UGGT1: variants seen among roughly 807,000 people sequenced by gnomAD.
The protein encoded by UGGT1 is UDP-glucose:glycoprotein glucosyltransferase 1.
A neutral mutation model predicts 203.9 loss-of-function variants in UGGT1; 107 were observed. The ratio of observed to expected loss-of-function variants is 0.52; its 90% CI spans 0.45 to 0.62. UGGT1 has a LOEUF of 0.62. Ranked by LOEUF, UGGT1 falls within the 20% of genes least tolerant of loss-of-function variation. The pLI is 0.00. For synonymous variants in UGGT1, 628 were observed against 653.5 expected (o/e 0.96, Z 0.59); for missense variants, 1,673 against 1,867.2 (o/e 0.90, Z 1.92).
chr2:128,103,030 G>A (rs780359193), intron 2 of UGGT1: 2 of 470,074 alleles, frequency 4.3e-6, no homozygotes, highest in Admixed American at 2.4e-5. Flanking sequence ...TAGAGAAGCT[G>A]TGCATTACCA....
At chr2:128,159,741 T>C (rs768127440) in intron 23 of UGGT1, 21 bp downstream of exon 23, 2 of 1,608,736 alleles carry the variant, frequency 1.2e-6, no homozygotes, top group African/African-American at 2.7e-5. Flanking sequence ...GAGCCTCTCA[T>C]GAGGCTGCCC....
chr2:128,140,973 C>A (rs931923452), intron 16 of UGGT1, among the ~76,000 whole-genome samples: 6 of 151,794 alleles, frequency 4.0e-5, no homozygotes, highest in Non-Finnish European at 7.4e-5. Flanking sequence ...TACGTGTGAG[C>A]CACTGGGGCT....
At chr2:128,187,973 C>G (rs947370641) in intron 40 of UGGT1, among the ~76,000 whole-genome samples, 1 of 147,070 alleles carries the variant, frequency 6.8e-6, no homozygotes, top group African/African-American at 2.5e-5. Flanking sequence ...TGTCAGTGTA[C>G]TAGTGAATGA....
At chr2:128,092,605 C>CTTTT (rs55814829) in intron 1 of UGGT1, among the ~76,000 whole-genome samples, 17 of 126,694 alleles carry the variant, frequency 1.3e-4, no homozygotes, top group South Asian at 4.9e-4. Context: ...TTCTTTCTTT[C>CTTTT]TTTTTTTTTT....
intron 40 of UGGT1, among the ~76,000 whole-genome samples, chr2:128,187,843 G>C (rs1484516276): frequency 6.6e-6 from 1 of 150,684 alleles, no homozygotes; most frequent in African/African-American, 2.4e-5. Context: ...TTTCTGGTGA[G>C]GGGGAGAAAG....
At chr2:128,187,224 A>C (rs1029413149) in intron 39 of UGGT1, 5 of 412,826 alleles carry the variant, frequency 1.2e-5, no homozygotes, top group East Asian at 4.1e-5. Flanking sequence ...AATTTTTCCA[A>C]ATGGACTTTC....
intron 4 of UGGT1, 84 bp from the exon 5 acceptor site, chr2:128,109,550 T>C (rs1687756664): frequency 1.8e-6 from 2 of 1,116,246 alleles, no homozygotes; most frequent in Non-Finnish European, 2.7e-6. Context: ...TTGTCATAAT[T>C]TAATCACCTA....
rs190482804 is a variant in UGGT1, at chr2:128,102,207, A to G, written c.195-1725A>G. On this transcript the variant is annotated intron_variant, in intron 2 of 40. Coordinates refer to ENST00000259253, the MANE Select transcript of UGGT1 (RefSeq NM_020120.4). Reference sequence around the variant, plus strand: ...GCCCAGGCTGGAGTGCAATGGCACGATCTTGGCTCACTGCAACCTCCACCT... The same window carrying G: ...GCCCAGGCTGGAGTGCAATGGCACGGTCTTGGCTCACTGCAACCTCCACCT... 4.0e-4 allele frequency among the ~76,000 whole-genome samples: 60 copies of G among 151,634 alleles called. No individual in the cohort carries two copies. In the East Asian group the frequency reaches 0.012, roughly 29 times the overall value.
intron 9 of UGGT1, among the ~76,000 whole-genome samples, 187 bp downstream of exon 9, chr2:128,120,643 T>C (rs1321213966): frequency 6.6e-6 from 1 of 152,182 alleles, no homozygotes; most frequent in Non-Finnish European, 1.5e-5. Context: ...CAGATAACAC[T>C]AGGTAGAAGT....
chr2:128,149,714 C>T (rs1021031297), intron 18 of UGGT1, among the ~76,000 whole-genome samples: 1 of 150,610 alleles, frequency 6.6e-6, no homozygotes, highest in African/African-American at 2.4e-5. Context: ...CAGAGGTTCC[C>T]TCTGGGAACC....
At chr2:128,132,522 T>C (rs952857127) in intron 13 of UGGT1, among the ~76,000 whole-genome samples, 3 of 152,210 alleles carry the variant, frequency 2.0e-5, no homozygotes, top group Non-Finnish European at 4.4e-5. Flanking sequence ...CACTTCAGCC[T>C]CGTCAATAGA....
chr2:128,189,818 C>T lies in UGGT1; in HGVS notation c.*76C>T. 6.5e-7 allele frequency: 1 copy of T among 1,538,246 alleles called. No homozygotes were observed. On this transcript the variant is annotated 3_prime_UTR_variant, in exon 41 of 41. Coordinates refer to ENST00000259253, the MANE Select transcript of UGGT1 (RefSeq NM_020120.4). ...TAAATGCTAGTTTTTTCTGATCTGT[C>T]TATACAACTGCTGATAAGCCGGCTG...
intron 26 of UGGT1, among the ~76,000 whole-genome samples, chr2:128,165,764 C>CT (rs754563192): frequency 2.1e-3 from 316 of 151,266 alleles, no homozygotes; most frequent in African/African-American, 5.3e-3. Flanking sequence ...TTATTGAAAA[C>CT]TTTTTTTAAA....
At chr2:128,147,106 T>C (rs1244995711) in intron 18 of UGGT1, among the ~76,000 whole-genome samples, 2 of 152,218 alleles carry the variant, frequency 1.3e-5, no homozygotes, top group Non-Finnish European at 2.9e-5. Context: ...AGCCAAATTA[T>C]TTACCACACA....
intron 36 of UGGT1, 52 bp downstream of exon 36, chr2:128,181,124 G>A (rs745397150): frequency 3.3e-5 from 51 of 1,528,096 alleles, no homozygotes; most frequent in Non-Finnish European, 3.7e-5. Context: ...GCAACAAATT[G>A]CTTCTTTTTA....
intron 13 of UGGT1, among the ~76,000 whole-genome samples, chr2:128,131,807 T>G (rs549329358): frequency 6.6e-6 from 1 of 152,232 alleles, no homozygotes; most frequent in Non-Finnish European, 1.5e-5. Context: ...TTTGTATTTT[T>G]AATAGAGATG....
In UGGT1 at chr2:128,191,821, A is replaced by C. The variant is rs1369903526; in HGVS notation, c.*2079A>C. On this transcript the variant is annotated 3_prime_UTR_variant, in exon 41 of 41. Transcript: ENST00000259253. ...CAGTGAGCTGAGATCGTGCCACTGC[A>C]CTCCAGCCTGGGTGACAGAGCGAGA... is the stretch of plus-strand genomic sequence containing the variant. The C allele has an allele frequency of 6.6e-6, 1 of 152,356 alleles. No homozygotes were observed. The highest frequency in any genetic ancestry group is 6.5e-5 in the Admixed American group (1 of 15,284). The allele number at this position is 152,356 out of a possible 1,614,324, so 9.4% of individuals were successfully genotyped here. A position where few individuals can be genotyped will look rare whatever the true frequency, so the allele number is the denominator to read the frequency against.
intron 15 of UGGT1, 45 bp downstream of exon 15, chr2:128,135,006 TTTTA>T: frequency 1.3e-6 from 2 of 1,530,590 alleles, no homozygotes; most frequent in Non-Finnish European, 1.8e-6. Flanking sequence ...TTAGCTGAGG[TTTTA>T]TTTGTCATTT....
chr2:128,191,915 G>A lies in UGGT1; in HGVS notation c.*2173G>A, dbSNP rs1692282570. 6.6e-6 allele frequency: 1 copy of A among 152,206 alleles called. No individual in the cohort carries two copies. The highest frequency in any genetic ancestry group is 2.4e-5 in the African/African-American group (1 of 41,438). 9.4% of individuals were successfully genotyped at this position (152,206 alleles called of 1,614,324 possible). A position where few individuals can be genotyped will look rare whatever the true frequency, so the allele number is the denominator to read the frequency against. Reference sequence around the variant, plus strand: ...AGCTGCATCTTCACATTGAATGAAAGCATTCAGACGGGTGACTGCTGCTGT... The same window carrying A: ...AGCTGCATCTTCACATTGAATGAAAACATTCAGACGGGTGACTGCTGCTGT... On this transcript the variant is annotated 3_prime_UTR_variant, in exon 41 of 41. Coordinates refer to ENST00000259253, the MANE Select transcript of UGGT1 (RefSeq NM_020120.4).
Sources: gnomAD v4.1 joint callset for allele counts (sites outside exome capture counted in the v4.1 genomes callset) on GRCh38, gnomAD v4.1.1 for gene constraint, MANE v1.5 for transcripts, NCBI Gene and HGNC (gene_info 2026-07-23, HGNC 2026-07-21) for gene names.